The following VAV2 variants were observed in gnomAD, a reference collection of about 807,000 sequenced individuals.
VAV2 encodes guanine nucleotide exchange factor VAV2.
In VAV2, 67 loss-of-function variants were observed where a neutral mutation model predicts 132.5. The observed-to-expected ratio is 0.51, with a 90% confidence interval of 0.42 to 0.62. VAV2 has a LOEUF of 0.62. VAV2 is among the 20% of genes least tolerant of loss of function. The pLI is 0.00. For missense variants in VAV2, 938 were observed against 1,153.6 expected (o/e 0.81, Z 2.71); for synonymous variants, 492 against 443.5 (o/e 1.11, Z -1.37).
At position 133,764,034 on chromosome 9, in the gene VAV2, T is replaced by C; in HGVS notation, c.*28A>G. On this transcript the variant is annotated 3_prime_UTR_variant, in exon 30 of 30. Transcript: ENST00000371850. ...GGCTGGAGTGACTCTCCCAAGAAAA[T>C]CTGCGAGTCTTGTCCACGTTCCTGC... 6.2e-7 allele frequency: 1 copy of C among 1,613,802 alleles called. No homozygotes were observed. Among genetic ancestry groups the C allele is most frequent in the Non-Finnish European group, 8.5e-7 (1 of 1,179,898 alleles).
intron 29 of VAV2, among the ~76,000 whole-genome samples, chr9:133,765,090 A>T (rs1435853175): frequency 1.3e-5 from 2 of 152,240 alleles, no homozygotes; most frequent in Non-Finnish European, 2.9e-5. Context: ...TACAGGAGAA[A>T]AGAAAGTTTT....
intron 1 of VAV2, among the ~76,000 whole-genome samples, chr9:133,957,088 C>T (rs635323): frequency 0.34 from 51,870 of 152,058 alleles, 9,845 homozygotes; most frequent in Non-Finnish European, 0.43. Context: ...TGGTTCCTCA[C>T]TCTGTGCAAG....
At position 133,879,559 on chromosome 9, in the gene VAV2, T is replaced by A. The variant is rs1203301232; in HGVS notation, c.322-18127A>T. ...GTGGCCCCGGGGCACTGCCACAGCC[T>A]TGAGCACCTGACATTACAGACCCAC... On this transcript the variant is annotated intron_variant, in intron 2 of 29. Coordinates refer to ENST00000371850, the MANE Select transcript of VAV2 (RefSeq NM_001134398.2). This position sits in a 1 kb window ranked among gnomAD's most constrained non-coding sequence, Gnocchi z 4.4. Among the ~76,000 whole-genome samples, 1 of 152,104 alleles carries A rather than the reference T, an allele frequency of 6.6e-6. No individual in the cohort carries two copies. The highest frequency in any genetic ancestry group is 1.5e-5 in the Non-Finnish European group (1 of 68,014).
At chr9:133,827,184 C>G (rs941381946) in intron 4 of VAV2, among the ~76,000 whole-genome samples, 1 of 150,780 alleles carries the variant, frequency 6.6e-6, no homozygotes, top group African/African-American at 2.5e-5. Context: ...GCTGCGCCCA[C>G]TGGGGCTGAC....
intron 2 of VAV2, among the ~76,000 whole-genome samples, chr9:133,925,516 T>C (rs1300535689): frequency 6.6e-6 from 1 of 152,206 alleles, no homozygotes. Context: ...CTGTACCTGG[T>C]CACAGTAATG....
intron 29 of VAV2, among the ~76,000 whole-genome samples, chr9:133,766,901 C>T (rs778133541): frequency 2.0e-5 from 3 of 150,688 alleles, no homozygotes; most frequent in Non-Finnish European, 2.9e-5. Context: ...AATCAAAAGT[C>T]GCAAGGTCCT....
chr9:133,921,119 G>T (rs565822656), intron 2 of VAV2, among the ~76,000 whole-genome samples: 53 of 152,190 alleles, frequency 3.5e-4, no homozygotes, highest in Admixed American at 2.6e-4. Context: ...ATTCAGAGGA[G>T]TCCTTGGAGG....
intron 16 of VAV2, 39 bp from the exon 17 acceptor site, chr9:133,785,924 G>C: frequency 6.4e-7 from 1 of 1,564,180 alleles, no homozygotes; most frequent in Non-Finnish European, 8.8e-7. Flanking sequence ...AATAGACACG[G>C]CTTCAGACAT....
At chr9:133,777,634 C>T (rs1248940294) in intron 22 of VAV2, among the ~76,000 whole-genome samples, 171 bp from the exon 23 acceptor site, 10 of 152,122 alleles carry the variant, frequency 6.6e-5, no homozygotes, top group Non-Finnish European at 1.5e-4. Flanking sequence ...CAGGGAGGTG[C>T]AGGGCCTCCC....
Position 133,961,088 on chromosome 9 carries a change from G to C in VAV2, c.205-21869C>G, listed in dbSNP as rs572714390. ...CCCACACCCGGCACACATCACGGGC[G>C]GCCCCAAGCTCTCCAGGTGGGAGCT... is the stretch of plus-strand genomic sequence containing the variant. On this transcript the variant is annotated intron_variant, in intron 1 of 29. Coordinates refer to ENST00000371850, the MANE Select transcript of VAV2 (RefSeq NM_001134398.2). This position sits in a 1 kb window ranked among gnomAD's most constrained non-coding sequence, Gnocchi z 4.1. Among the ~76,000 whole-genome samples the C allele has an allele frequency of 6.6e-6, 1 of 152,248 alleles. No individual in the cohort carries two copies. Among genetic ancestry groups the C allele is most frequent in the Non-Finnish European group, 1.5e-5 (1 of 68,040 alleles).
rs745655458 is a variant in VAV2, at chr9:133,789,353, A to T, written c.1189-10T>A. ...CCTCCAGTTTCACTTGCTGGGAAGA[A>T]GGAGAGGGGCCGTCAGCCGGGGCTG... On this transcript the variant is annotated splice_polypyrimidine_tract_variant and intron_variant, in intron 13 of 29. Coordinates refer to ENST00000371850, the MANE Select transcript of VAV2 (RefSeq NM_001134398.2). 2 of 1,613,944 alleles carry T rather than the reference A, an allele frequency of 1.2e-6. No homozygotes were observed. The highest frequency in any genetic ancestry group is 4.5e-5 in the East Asian group (2 of 44,854).
rs998575994 is a variant in VAV2 at position 133,906,851 on chromosome 9, G to A, written c.321+32252C>T. Among the ~76,000 whole-genome samples the A allele has an allele frequency of 4.6e-5, 7 of 152,266 alleles. No individual in the cohort carries two copies. The East Asian group carries it at 5.8e-4, about 13-fold the overall frequency. On this transcript the variant is annotated intron_variant, in intron 2 of 29. Coordinates refer to ENST00000371850, the MANE Select transcript of VAV2 (RefSeq NM_001134398.2). ...GTGCGGAGACCCATGGCTCTACACC[G>A]GGGGCCACTCAAGTCACTGCAGCTG...
Position 133,952,868 on chromosome 9 carries a change from C to T in VAV2, c.205-13649G>A, listed in dbSNP as rs998368814. 2.6e-3 allele frequency among the ~76,000 whole-genome samples: 217 copies of T among 83,130 alleles called. 4 individuals carry two copies. In the East Asian group the frequency reaches 0.033, roughly 13 times the overall value. The allele number at this position is 83,130 out of a possible 152,430, so 54.5% of individuals were successfully genotyped here. A position where few individuals can be genotyped will look rare whatever the true frequency, so the allele number is the denominator to read the frequency against. ...TAGAACCTGGAGGGAGCATGGCCCC[C>T]GGGACACCTAGAACCTGGAGGGAGC... On this transcript the variant is annotated intron_variant, in intron 1 of 29. Coordinates refer to ENST00000371850, the MANE Select transcript of VAV2 (RefSeq NM_001134398.2).
intron 3 of VAV2, chr9:133,861,105 T>G (rs993618235): frequency 4.8e-6 from 2 of 417,910 alleles, no homozygotes; most frequent in East Asian, 7.8e-5. Flanking sequence ...GTGAAAGGAT[T>G]AATTTGCTGA....
At chr9:133,797,133 C>A (rs1464606833) in intron 10 of VAV2, among the ~76,000 whole-genome samples, 1 of 152,194 alleles carries the variant, frequency 6.6e-6, no homozygotes, top group Admixed American at 6.5e-5. Flanking sequence ...CCTGGAAACT[C>A]CAGCTGGGAA....
chr9:133,943,734 G>A lies in VAV2; in HGVS notation c.205-4515C>T, dbSNP rs188920640. 1.6e-3 allele frequency among the ~76,000 whole-genome samples: 240 copies of A among 152,342 alleles called. No individual in the cohort carries two copies. In the Middle Eastern group the frequency reaches 0.031, roughly 19 times the overall value. On this transcript the variant is annotated intron_variant, in intron 1 of 29. Coordinates refer to ENST00000371850, the MANE Select transcript of VAV2 (RefSeq NM_001134398.2). ...GCTCCCCACAGCCCCAGACTGCAGGGAGGGCTCCCGCCCCTGGGCCCCAAG... is the reference window on the plus strand; with the variant it reads ...GCTCCCCACAGCCCCAGACTGCAGGAAGGGCTCCCGCCCCTGGGCCCCAAG...
rs1223262234 is a variant in VAV2, at chr9:133,902,611, G to C, written c.321+36492C>G. 2.0e-5 allele frequency among the ~76,000 whole-genome samples: 3 copies of C among 152,186 alleles called. No homozygotes were observed. In the East Asian group the frequency reaches 5.8e-4, roughly 29 times the overall value. ...ACACATCTGCTCAAAAGAAAAATGA[G>C]GGAGTGTTTCGGGTTGAACTGTGTC... is the stretch of plus-strand genomic sequence containing the variant. On this transcript the variant is annotated intron_variant, in intron 2 of 29. Transcript: ENST00000371850.
At chr9:133,964,059 A>G (rs1842063972) in intron 1 of VAV2, among the ~76,000 whole-genome samples, 1 of 120,026 alleles carries the variant, frequency 8.3e-6, no homozygotes. Context: ...ACATATATAT[A>G]CATATATATA....
chr9:133,842,377 A>G (rs759770504), intron 3 of VAV2, among the ~76,000 whole-genome samples: 112 of 152,162 alleles, frequency 7.4e-4, no homozygotes, highest in Non-Finnish European at 1.6e-4. Context: ...GCACTCCGAG[A>G]GAACAGGCAG....
Sources: gnomAD v4.1 joint callset for allele counts (sites outside exome capture counted in the v4.1 genomes callset) on GRCh38, gnomAD v4.1.1 for gene constraint, Gnocchi (gnomAD v3.1) non-coding constraint, MANE v1.5 for transcripts, NCBI Gene and HGNC (gene_info 2026-07-23, HGNC 2026-07-21) for gene names.